The following MAGI3 variants were observed in gnomAD, a reference collection of about 807,000 sequenced individuals.
MAGI3 encodes the protein membrane associated guanylate kinase, WW and PDZ domain containing 3, also known as membrane-associated guanylate kinase, WW and PDZ domain-containing protein 3.
Under a neutral mutation model 121.8 loss-of-function variants are expected in MAGI3, and 43 were observed. The observed-to-expected ratio is 0.35, with a 90% CI of 0.28 to 0.46. MAGI3 has a LOEUF of 0.46. Ranked by LOEUF, MAGI3 falls within the 20% of genes least tolerant of loss-of-function variation. The pLI is 1.00. For missense variants in MAGI3, 1,547 were observed against 1,797.3 expected, an observed-to-expected ratio of 0.86 and a Z score of 2.52; for synonymous variants, 553 against 639.3, an observed-to-expected ratio of 0.86 and a Z score of 2.04.
Position 113,672,677 on chromosome 1 carries a change from A to T in MAGI3, c.2981A>T (p.Asp994Val). 6.2e-7 allele frequency: 1 copy of T among 1,614,116 alleles called. No individual in the cohort carries two copies. Among genetic ancestry groups the T allele is most frequent in the Admixed American group, 1.7e-5 (1 of 60,018 alleles). Residue 994 changes from aspartate to valine, a missense_variant, in exon 18 of 21, where the codon GAC becomes GTC. Asp to Val is a radical substitution (Grantham distance 152, BLOSUM62 -3). Coordinates refer to ENST00000307546, the MANE Select transcript of MAGI3 (RefSeq NM_001142782.2). ...VSTSYRHSWS[D>V]HKHLAQPDTA... ...ACTTCTTACAGACATTCTTGGTCAG[A>T]CCACAAGCACCTTGCACAGCCTGAC...
intron 18 of MAGI3, 61 bp downstream of exon 18, chr1:113,672,802 G>A (rs1044801569): frequency 4.6e-6 from 7 of 1,536,336 alleles, no homozygotes; most frequent in African/African-American, 1.4e-5. Flanking sequence ...ACTGGCATTG[G>A]TGAATTTTTA....
intron 1 of MAGI3, among the ~76,000 whole-genome samples, chr1:113,416,032 CAT>C (rs1291660860): frequency 3.5e-5 from 5 of 144,306 alleles, no homozygotes; most frequent in Admixed American, 6.8e-5. Context: ...ATTAATGACA[CAT>C]ATTAATTATG....
At chr1:113,662,793 C>T (rs948137413) in intron 16 of MAGI3, among the ~76,000 whole-genome samples, 11 of 152,102 alleles carry the variant, frequency 7.2e-5, no homozygotes, top group African/African-American at 2.7e-4. Context: ...TTTCTCAGAA[C>T]CATGTTGTTG....
intron 2 of MAGI3, among the ~76,000 whole-genome samples, chr1:113,552,095 A>G (rs1046495517): frequency 9.9e-5 from 15 of 152,128 alleles, no homozygotes; most frequent in African/African-American, 3.6e-4. Context: ...GTTGTTCTAC[A>G]TTGGCTAAGC....
intron 1 of MAGI3, among the ~76,000 whole-genome samples, chr1:113,475,030 GCT>G (rs1458149496): frequency 2.6e-5 from 4 of 151,504 alleles, no homozygotes; most frequent in African/African-American, 9.7e-5. Context: ...TCATGATTTG[GCT>G]CTGTTTGTCT....
chr1:113,622,621 G>A (rs1650896764), intron 8 of MAGI3, among the ~76,000 whole-genome samples, 185 bp from the exon 9 acceptor site: 1 of 152,132 alleles, frequency 6.6e-6, no homozygotes, highest in Non-Finnish European at 1.5e-5. Flanking sequence ...CAGAAATTGA[G>A]TGCTAAAGGT....
chr1:113,645,845 T>C (rs1171666307), intron 11 of MAGI3, among the ~76,000 whole-genome samples: 22 of 152,196 alleles, frequency 1.4e-4, no homozygotes, highest in Non-Finnish European at 2.4e-4. Flanking sequence ...AAATAAGTCA[T>C]TTTGCTTGGC....
intron 1 of MAGI3, among the ~76,000 whole-genome samples, chr1:113,459,371 G>A (rs1389056428): frequency 6.6e-6 from 1 of 152,020 alleles, no homozygotes; most frequent in Non-Finnish European, 1.5e-5. Context: ...AGTAAATTTA[G>A]CTTCATAAAC....
intron 1 of MAGI3, chr1:113,450,702 G>C (rs1557763951): frequency 8.9e-7 from 1 of 1,126,032 alleles, no homozygotes; most frequent in South Asian, 1.2e-5. Flanking sequence ...TCTGGTGGTG[G>C]AAGTGGTGGA....
At chr1:113,438,187 G>A (rs1292743154) in intron 1 of MAGI3, among the ~76,000 whole-genome samples, 1 of 151,944 alleles carries the variant, frequency 6.6e-6, no homozygotes, top group African/African-American at 2.4e-5. Context: ...ATGGGCTTAA[G>A]CAACAAGCCC....
chr1:113,428,250 A>T (rs1653117188), intron 1 of MAGI3, among the ~76,000 whole-genome samples: 1 of 152,350 alleles, frequency 6.6e-6, no homozygotes, highest in South Asian at 2.1e-4. Context: ...TTTTCTTCTA[A>T]CAGCTTTATT....
chr1:113,401,607 AAAT>A (rs1348886354), intron 1 of MAGI3, among the ~76,000 whole-genome samples: 1 of 152,198 alleles, frequency 6.6e-6, no homozygotes, highest in Non-Finnish European at 1.5e-5. Context: ...TGCATATTAG[AAAT>A]AATATTTTGT....
intron 2 of MAGI3, among the ~76,000 whole-genome samples, chr1:113,577,751 C>T (rs1647743781): frequency 6.6e-6 from 1 of 152,158 alleles, no homozygotes; most frequent in African/African-American, 2.4e-5. Flanking sequence ...TCCTGCTCAA[C>T]ACCACCTTGC....
Position 113,539,088 on chromosome 1 carries a change from T to G in MAGI3, c.317-10427T>G, listed in dbSNP as rs117917030. Among the ~76,000 whole-genome samples, 149 of 152,188 alleles carry G rather than the reference T, an allele frequency of 9.8e-4. 1 individual carries two copies. In the East Asian group the frequency reaches 0.028, roughly 28 times the overall value. The stretch of plus-strand genomic sequence containing the variant: ...AAAACAAAAGCTATGAAGAAAAATG[T>G]TTTTAAAGAAAAAAGTTTATTTAAG... On this transcript the variant is annotated intron_variant, in intron 1 of 20. Transcript: ENST00000307546.
chr1:113,535,132 C>T (rs2101646919), intron 1 of MAGI3, among the ~76,000 whole-genome samples: 1 of 152,234 alleles, frequency 6.6e-6, no homozygotes, highest in Non-Finnish European at 1.5e-5. Context: ...TTATGCAGCT[C>T]TGAAATTTGA....
chr1:113,430,025 T>TA (rs1653222476), intron 1 of MAGI3, among the ~76,000 whole-genome samples: 1 of 152,162 alleles, frequency 6.6e-6, no homozygotes, highest in Non-Finnish European at 1.5e-5. Context: ...GCCATTCCTT[T>TA]ATCTGCACCT....
intron 1 of MAGI3, among the ~76,000 whole-genome samples, chr1:113,472,262 G>A (rs1405184684): frequency 6.6e-6 from 1 of 151,240 alleles, no homozygotes; most frequent in Non-Finnish European, 1.5e-5. Flanking sequence ...GAGTGCAGTG[G>A]CGCGATCTCG....
At chr1:113,505,549 AATAAATAT>A (rs1157398631) in intron 1 of MAGI3, among the ~76,000 whole-genome samples, 63 of 148,210 alleles carry the variant, frequency 4.3e-4, no homozygotes, top group African/African-American at 1.5e-3. Context: ...TAAATAAATA[AATAAATAT>A]ATAATGTCAG....
At chr1:113,495,056 A>G (rs1240084188) in intron 1 of MAGI3, among the ~76,000 whole-genome samples, 1 of 152,162 alleles carries the variant, frequency 6.6e-6, no homozygotes, top group Non-Finnish European at 1.5e-5. Flanking sequence ...AGGTTTTCAT[A>G]GGAATTAACT....
Sources: gnomAD v4.1 joint callset for allele counts (sites outside exome capture counted in the v4.1 genomes callset) on GRCh38, gnomAD v4.1.1 for gene constraint, MANE v1.5 for transcripts, NCBI Gene and HGNC (gene_info 2026-07-23, HGNC 2026-07-21) for gene names.